Variants in DLG2 observed in about 807,000 individuals in gnomAD.
DLG2 encodes the protein disks large homolog 2.
DLG2 carries 45 observed loss-of-function variants against 132.5 expected under a neutral mutation model. That is an observed-to-expected ratio of 0.34 (90% CI 0.27 to 0.44). The LOEUF (loss-of-function observed/expected upper bound fraction) is 0.44. Ranked by LOEUF, DLG2 falls within the 20% of genes least tolerant of loss-of-function variation. The probability of loss-of-function intolerance (pLI) is 1.00; values close to 1 mark genes in which losing one functional copy is unlikely to be tolerated. For missense variants in DLG2, 1,045 were observed against 1,196.9 expected, an observed-to-expected ratio of 0.87 and a Z score of 1.87; for synonymous variants, 424 against 419.6, an observed-to-expected ratio of 1.01 and a Z score of -0.13.
chr11:85,488,562 A>G (rs574807535), intron 3 of DLG2, among the ~76,000 whole-genome samples: 2 of 152,254 alleles, frequency 1.3e-5, no homozygotes, highest in South Asian at 4.1e-4. Flanking sequence ...GGACCAATAC[A>G]CTGTCTAAAT....
chr11:84,491,518 C>A (rs933029188), intron 7 of DLG2, among the ~76,000 whole-genome samples: 3 of 152,086 alleles, frequency 2.0e-5, no homozygotes, highest in African/African-American at 7.2e-5. Context: ...CATACAGTTA[C>A]CAAGATGGAC....
intron 8 of DLG2, among the ~76,000 whole-genome samples, chr11:84,221,736 C>T (rs530026690): frequency 6.6e-6 from 1 of 152,160 alleles, no homozygotes; most frequent in African/African-American, 2.4e-5. Context: ...GTTAGCATTA[C>T]AATTTGAAGG....
intron 4 of DLG2, among the ~76,000 whole-genome samples, chr11:85,164,650 T>C (rs773537369): frequency 3.3e-5 from 5 of 152,182 alleles, no homozygotes; most frequent in Non-Finnish European, 7.4e-5. Context: ...AAAGACATAA[T>C]AGAAGTAGTA....
intron 9 of DLG2, among the ~76,000 whole-genome samples, chr11:84,116,639 G>T: frequency 6.6e-6 from 1 of 152,164 alleles, no homozygotes; most frequent in Middle Eastern, 3.2e-3. Context: ...CATGACATGT[G>T]GGGATTATGG....
intron 3 of DLG2, among the ~76,000 whole-genome samples, chr11:85,372,940 T>C (rs2085105795): frequency 6.6e-6 from 1 of 152,224 alleles, no homozygotes; most frequent in South Asian, 2.1e-4. Flanking sequence ...CCATTTCAAA[T>C]GCATCCTGAA....
intron 14 of DLG2, among the ~76,000 whole-genome samples, chr11:83,931,515 C>T (rs1181252655): frequency 6.6e-6 from 1 of 152,214 alleles, no homozygotes; most frequent in Non-Finnish European, 1.5e-5. Context: ...GCACCATATT[C>T]TGAGTCACAT....
At chr11:83,790,330 G>A (rs2041201205) in intron 17 of DLG2, 2 of 875,474 alleles carry the variant, frequency 2.3e-6, no homozygotes, top group South Asian at 1.5e-5. Context: ...AGCTTAAAAG[G>A]TAACAGTCTT....
intron 6 of DLG2, among the ~76,000 whole-genome samples, chr11:84,872,913 C>T (rs2085704577): frequency 6.6e-6 from 1 of 152,180 alleles, no homozygotes; most frequent in Non-Finnish European, 1.5e-5. Context: ...TTAAGTGAGG[C>T]ACCAAAGAGA....
At chr11:84,581,335 G>A (rs557384249) in intron 6 of DLG2, among the ~76,000 whole-genome samples, 3 of 152,164 alleles carry the variant, frequency 2.0e-5, no homozygotes, top group South Asian at 2.1e-4. Flanking sequence ...CTTAGTAAAG[G>A]AAAATCTTAT....
At chr11:85,290,351 T>A (rs1335834553) in intron 3 of DLG2, among the ~76,000 whole-genome samples, 1 of 152,044 alleles carries the variant, frequency 6.6e-6, no homozygotes, top group Non-Finnish European at 1.5e-5. Flanking sequence ...TACACAAAAA[T>A]TTCCTGGGGA....
chr11:85,504,830 T>G (rs2093890692), intron 3 of DLG2, among the ~76,000 whole-genome samples: 1 of 152,242 alleles, frequency 6.6e-6, no homozygotes, highest in African/African-American at 2.4e-5. Flanking sequence ...CAATATTGAT[T>G]CTTCCTATCC....
chr11:84,752,580 T>TA lies in DLG2; in HGVS notation c.358-217850dup, dbSNP rs767144590. Among the ~76,000 whole-genome samples, 1,342 of 145,384 alleles carry TA rather than the reference T, an allele frequency of 9.2e-3. 13 individuals are homozygous for TA. The highest frequency in any genetic ancestry group is 0.024 in the African/African-American group (936 of 38,826). On this transcript the variant is annotated intron_variant, in intron 6 of 27. Coordinates refer to ENST00000376104, the MANE Select transcript of DLG2 (RefSeq NM_001142699.3). ...TTTCTTTTTCTTTTTTTTTTTTTTT[T>TA]ATTATACTTTAAGTTTTAGGGTACA...
rs117257387 is a variant in DLG2 at position 85,165,006 on chromosome 11, A to G, written c.187-10355T>C. On this transcript the variant is annotated intron_variant, in intron 4 of 27. Coordinates refer to ENST00000376104, the MANE Select transcript of DLG2 (RefSeq NM_001142699.3). ...ATCAAACCAGTAGGGGTGGGGCTCT[A>G]AAGTCTGTGCTTCGATGAGCTCTCC... Among the ~76,000 whole-genome samples the G allele has an allele frequency of 3.7e-3, 571 of 152,306 alleles. 3 individuals carry two copies. The highest frequency in any genetic ancestry group is 4.9e-3 in the Non-Finnish European group (332 of 68,018).
intron 7 of DLG2, among the ~76,000 whole-genome samples, chr11:84,379,652 A>G (rs1442737693): frequency 6.6e-6 from 1 of 152,134 alleles, no homozygotes; most frequent in Non-Finnish European, 1.5e-5. Flanking sequence ...GACAAGGACA[A>G]TACGGTCTGA....
At chr11:83,537,807 CAAAAAAAAAA>C (rs1164386994) in intron 20 of DLG2, among the ~76,000 whole-genome samples, 2 of 18,292 alleles carry the variant, frequency 1.1e-4, no homozygotes, top group African/African-American at 2.0e-4. Flanking sequence ...GACTCTGTCT[CAAAAAAAAAA>C]AAAAAAAAAA....
chr11:83,527,618 A>G (rs1267648855), intron 21 of DLG2, among the ~76,000 whole-genome samples: 2 of 152,094 alleles, frequency 1.3e-5, no homozygotes, highest in Non-Finnish European at 2.9e-5. Flanking sequence ...TATTACTTCA[A>G]ATAACAACTA....
chr11:83,953,126 T>A (rs751802710), intron 14 of DLG2, among the ~76,000 whole-genome samples: 1 of 152,224 alleles, frequency 6.6e-6, no homozygotes. Context: ...ATGAAATTTA[T>A]AAATTGATAG....
At chr11:83,697,575 C>G (rs1037738852) in intron 18 of DLG2, among the ~76,000 whole-genome samples, 7 of 152,122 alleles carry the variant, frequency 4.6e-5, no homozygotes, top group African/African-American at 1.7e-4. Flanking sequence ...CAACCCCTTA[C>G]GTATAACAAG....
intron 4 of DLG2, among the ~76,000 whole-genome samples, chr11:85,218,679 CAG>C (rs1227011007): frequency 6.6e-6 from 1 of 152,078 alleles, no homozygotes; most frequent in Non-Finnish European, 1.5e-5. Flanking sequence ...GAACTTAAAA[CAG>C]AGCTACCATT....
Sources: gnomAD v4.1 joint callset for allele counts (sites outside exome capture counted in the v4.1 genomes callset) on GRCh38, gnomAD v4.1.1 for gene constraint, MANE v1.5 for transcripts, NCBI Gene and HGNC (gene_info 2026-07-23, HGNC 2026-07-21) for gene names.